The following CYFIP2 variants were observed in gnomAD, a reference collection of about 807,000 sequenced individuals.
The protein encoded by CYFIP2 is cytoplasmic FMR1 interacting protein 2, also known as cytoplasmic FMR1-interacting protein 2.
CYFIP2 carries 29 observed loss-of-function variants against 158.7 expected under a neutral mutation model. The ratio of observed to expected loss-of-function variants is 0.18; its 90% CI spans 0.14 to 0.25. The LOEUF (loss-of-function observed/expected upper bound fraction) is 0.25, where lower values mean the gene tolerates loss of function less well. Ranked by LOEUF, CYFIP2 falls within the 10% of genes least tolerant of loss-of-function variation. The probability of loss-of-function intolerance (pLI) is 1.00; values close to 1 mark genes in which losing one functional copy is unlikely to be tolerated. For synonymous variants in CYFIP2, 585 were observed against 617.6 expected (o/e 0.95, Z 0.78); for missense variants, 852 against 1,639.5 (o/e 0.52, Z 8.29).
chr5:157,294,653 G>C, intron 3 of CYFIP2, 130 bp from the exon 4 acceptor site: 1 of 596,372 alleles, frequency 1.7e-6, no homozygotes, highest in Non-Finnish European at 2.9e-6. Flanking sequence ...TCCATTTCCA[G>C]TAAGGTCCCC....
chr5:157,270,644 A>G (rs4144670), intron 1 of CYFIP2, among the ~76,000 whole-genome samples: 64,221 of 152,090 alleles, frequency 0.42, 14,427 homozygotes, highest in East Asian at 0.58. Context: ...AGTCTGTTAT[A>G]CTTCCATATG....
intron 8 of CYFIP2, among the ~76,000 whole-genome samples, chr5:157,306,847 A>C (rs1431579246): frequency 1.3e-5 from 2 of 149,376 alleles, no homozygotes; most frequent in Non-Finnish European, 3.0e-5. Context: ...ATACCACTGC[A>C]CTCCAGCCCG....
At chr5:157,272,958 C>T (rs1756230820) in intron 1 of CYFIP2, among the ~76,000 whole-genome samples, 1 of 152,130 alleles carries the variant, frequency 6.6e-6, no homozygotes, top group Non-Finnish European at 1.5e-5. Context: ...CCTCTGCCTC[C>T]CAGGTTCAAG....
rs565676934 is a variant in CYFIP2 at position 157,266,431 on chromosome 5, T to C, written c.-24+236T>C. 4.6e-5 allele frequency: 7 copies of C among 151,420 alleles called. No homozygotes were observed. In the South Asian group the frequency reaches 1.5e-3, roughly 32 times the overall value. 9.4% of individuals were successfully genotyped at this position (151,420 alleles called of 1,614,324 possible). ...CCTCTGCCCGGGAGGCGCGGGCACA[T>C]CGCGGAGCTCCGGCGCGGCGGCGGG... On this transcript the variant is annotated intron_variant, in intron 1 of 30. Coordinates refer to ENST00000620254, the MANE Select transcript of CYFIP2 (RefSeq NM_001037333.3). This position sits in a 1 kb window ranked among gnomAD's most constrained non-coding sequence, Gnocchi z 4.2.
At chr5:157,353,040 G>A (rs776807319) in intron 23 of CYFIP2, among the ~76,000 whole-genome samples, 13 of 152,154 alleles carry the variant, frequency 8.5e-5, no homozygotes, top group Admixed American at 2.6e-4. Context: ...TGGCCCTGCC[G>A]ACACCTTGAT....
intron 23 of CYFIP2, among the ~76,000 whole-genome samples, chr5:157,345,993 CA>C (rs1202513825): frequency 6.6e-6 from 1 of 152,220 alleles, no homozygotes; most frequent in East Asian, 1.9e-4. Context: ...ACAACCAAAG[CA>C]GTAATATTCA....
At chr5:157,356,239 T>C (rs1763399591) in intron 23 of CYFIP2, among the ~76,000 whole-genome samples, 1 of 152,126 alleles carries the variant, frequency 6.6e-6, no homozygotes, top group Non-Finnish European at 1.5e-5. Context: ...CTCCTCACTG[T>C]AGGCTCCCAT....
At position 157,307,951 on chromosome 5, in the gene CYFIP2, A is replaced by G. The variant is rs187978384; in HGVS notation, c.900+86A>G. ...GGGGGAAAGGGATGAAATGAGCCAGAAAACTGTCAGGTTTTTTTAATTGAG... is the reference window on the plus strand; with the variant it reads ...GGGGGAAAGGGATGAAATGAGCCAGGAAACTGTCAGGTTTTTTTAATTGAG... On this transcript the variant is annotated intron_variant, in intron 9 of 30. Coordinates refer to ENST00000620254, the MANE Select transcript of CYFIP2 (RefSeq NM_001037333.3). The G allele has an allele frequency of 5.7e-5, 43 of 753,618 alleles. No homozygotes were observed. In the African/African-American group the frequency reaches 6.5e-4, roughly 11 times the overall value. The allele number at this position is 753,618 out of a possible 1,614,324, so 46.7% of individuals were successfully genotyped here. A position where few individuals can be genotyped will look rare whatever the true frequency, so the allele number is the denominator to read the frequency against.
intron 23 of CYFIP2, chr5:157,342,716 A>T (rs1762361258): frequency 1.3e-6 from 1 of 777,498 alleles, no homozygotes; most frequent in African/African-American, 1.7e-5. Context: ...AAGCTTTGTC[A>T]TGGGGCATTC....
At chr5:157,308,527 T>G (rs1021569715) in intron 9 of CYFIP2, among the ~76,000 whole-genome samples, 1 of 152,188 alleles carries the variant, frequency 6.6e-6, no homozygotes, top group Non-Finnish European at 1.5e-5. Context: ...GTTCTCAGTT[T>G]ATTCTAGCAT....
chr5:157,384,574 C>A (rs571098390), intron 28 of CYFIP2: 3 of 438,698 alleles, frequency 6.8e-6, no homozygotes, highest in Non-Finnish European at 9.4e-6. Flanking sequence ...TCTGCACAGA[C>A]GTCATGCTGA....
At chr5:157,386,352 G>A (rs2113533388) in intron 28 of CYFIP2, among the ~76,000 whole-genome samples, 1 of 152,152 alleles carries the variant, frequency 6.6e-6, no homozygotes, top group African/African-American at 2.4e-5. Flanking sequence ...CGAGAAGCTG[G>A]GATGACAGGC....
intron 26 of CYFIP2, among the ~76,000 whole-genome samples, chr5:157,379,435 T>C (rs1271361832): frequency 6.6e-6 from 1 of 151,588 alleles, no homozygotes; most frequent in Non-Finnish European, 1.5e-5. Flanking sequence ...AGCTGAATAG[T>C]GCTGTATCTA....
At chr5:157,359,210 T>G in intron 24 of CYFIP2, 62 bp downstream of exon 24, 1 of 1,597,024 alleles carries the variant, frequency 6.3e-7, no homozygotes, top group Non-Finnish European at 8.6e-7. Context: ...AAACAAAGTT[T>G]GCTTTTACTT....
chr5:157,286,205 C>T (rs1338577494), intron 2 of CYFIP2, among the ~76,000 whole-genome samples: 1 of 151,738 alleles, frequency 6.6e-6, no homozygotes, highest in East Asian at 1.9e-4. Flanking sequence ...ATCTTCTAAC[C>T]CAGATTAAAA....
At chr5:157,340,111 G>GC (rs112485962) in intron 22 of CYFIP2, among the ~76,000 whole-genome samples, 153 of 152,372 alleles carry the variant, frequency 1.0e-3, no homozygotes, top group African/African-American at 3.3e-3. Context: ...GGTGCACACG[G>GC]CCCGGGGCCA....
Position 157,390,655 on chromosome 5 carries a change from T to A in CYFIP2, c.3581T>A (p.Ile1194Asn). 2 of 1,586,638 alleles carry A rather than the reference T, an allele frequency of 1.3e-6. No homozygotes were observed. The highest frequency in any genetic ancestry group is 1.7e-6 in the Non-Finnish European group (2 of 1,166,272). The part of the protein sequence containing the change: ...KVQRQDGKDE[I>N]IKNVPLKKMA... ...CAGAGGCAGGACGGGAAGGATGAAA[T>A]CATTAAGAATGTGGTGAGCAGGCTG... Residue 1194 changes from isoleucine (I) to asparagine (N), a missense_variant, in exon 30 of 31, where the codon ATC (isoleucine) becomes AAC (asparagine). Ile to Asn is a moderately radical substitution (Grantham distance 149). Coordinates refer to ENST00000620254, the MANE Select transcript of CYFIP2 (RefSeq NM_001037333.3).
In CYFIP2 at chr5:157,311,266, G is replaced by A. The variant is rs1018521322; in HGVS notation, c.993-398G>A. The A allele has an allele frequency of 6.4e-5, 24 of 373,968 alleles. No homozygotes were observed. Among genetic ancestry groups the A allele is most frequent in the Admixed American group, 2.1e-4 (6 of 29,144 alleles). 23.2% of individuals were successfully genotyped at this position (373,968 alleles called of 1,614,324 possible). A position where few individuals can be genotyped will look rare whatever the true frequency, so the allele number is the denominator to read the frequency against. ...AGGCCCCCCAAAGCCAGCTTCAACC[G>A]CAGAGTGTCTGTGCTGTCAGAGTGG... On this transcript the variant is annotated intron_variant, in intron 10 of 30. Transcript: ENST00000620254. The surrounding 1 kb of genome is among the most constrained non-coding windows in gnomAD (Gnocchi z 4.7).
chr5:157,385,455 G>A (rs1226553508), intron 28 of CYFIP2, among the ~76,000 whole-genome samples: 3 of 152,200 alleles, frequency 2.0e-5, no homozygotes, highest in Admixed American at 6.5e-5. Context: ...TCTAGGAGGT[G>A]ACAGAGGAAG....
Sources: gnomAD v4.1 joint callset for allele counts (sites outside exome capture counted in the v4.1 genomes callset) on GRCh38, gnomAD v4.1.1 for gene constraint, Gnocchi (gnomAD v3.1) non-coding constraint, MANE v1.5 for transcripts, NCBI Gene and HGNC (gene_info 2026-07-23, HGNC 2026-07-21) for gene names.